The following DPP10 variants were observed in gnomAD, a reference collection of about 807,000 sequenced individuals.
DPP10 encodes dipeptidyl peptidase like 10.
In DPP10, 33 loss-of-function variants were observed where a neutral mutation model predicts 120.9. The ratio of observed to expected loss-of-function variants is 0.27; its 90% CI spans 0.21 to 0.37. DPP10 has a LOEUF of 0.37. Ranked by LOEUF, DPP10 falls within the 10% of genes least tolerant of loss-of-function variation. The probability of loss-of-function intolerance (pLI) is 1.00; values close to 1 mark genes in which losing one functional copy is unlikely to be tolerated. For missense variants in DPP10, 816 were observed against 942.8 expected (o/e 0.87, Z 1.76); for synonymous variants, 337 against 326.1 (o/e 1.03, Z -0.36).
chr2:114,967,072 AG>A (rs1469058153), intron 1 of DPP10, among the ~76,000 whole-genome samples: 1 of 152,116 alleles, frequency 6.6e-6, no homozygotes, highest in Non-Finnish European at 1.5e-5. Flanking sequence ...ACAAAAAAAG[AG>A]ACAAGAGAGA....
chr2:115,266,616 G>T (rs147781698), intron 1 of DPP10, among the ~76,000 whole-genome samples: 1 of 152,068 alleles, frequency 6.6e-6, no homozygotes, highest in Non-Finnish European at 1.5e-5. Flanking sequence ...TGTATGTTGC[G>T]TTTATCCCAT....
chr2:114,897,087 C>T (rs1221982265), intron 1 of DPP10, among the ~76,000 whole-genome samples: 4 of 152,078 alleles, frequency 2.6e-5, no homozygotes, highest in Middle Eastern at 3.2e-3. Context: ...GGATGAAGCC[C>T]ACTTGATCAT....
intron 1 of DPP10, among the ~76,000 whole-genome samples, chr2:114,509,869 A>C (rs188778112): frequency 6.6e-5 from 10 of 152,212 alleles, no homozygotes; most frequent in Admixed American, 6.5e-4. Flanking sequence ...AAATAGAGAC[A>C]TTTCCCTCTT....
At chr2:115,659,612 G>A (rs1000610209) in intron 5 of DPP10, among the ~76,000 whole-genome samples, 1 of 152,166 alleles carries the variant, frequency 6.6e-6, no homozygotes, top group Admixed American at 6.5e-5. Context: ...CTATGAATTT[G>A]ATACTGAGTC....
intron 1 of DPP10, among the ~76,000 whole-genome samples, chr2:115,257,995 G>A (rs985574511): frequency 1.2e-4 from 18 of 152,124 alleles, no homozygotes; most frequent in Admixed American, 2.0e-4. Context: ...TATATGTACC[G>A]TTATTTTCTC....
At chr2:115,404,629 T>C (rs920753685) in intron 3 of DPP10, among the ~76,000 whole-genome samples, 1 of 151,630 alleles carries the variant, frequency 6.6e-6, no homozygotes, top group Admixed American at 6.6e-5. Context: ...GTAATCTATT[T>C]TAAAAAAAAA....
rs182680633 is a variant in DPP10 at position 114,981,751 on chromosome 2, T to C, written c.61-327488T>C. On this transcript the variant is annotated intron_variant, in intron 1 of 25. Transcript: ENST00000410059. ...TCATGCCATCATGCCCAGCTAGTTATTTTTGTTTTGTTTTGTTTTTTGTTT... is the reference window on the plus strand; with the variant it reads ...TCATGCCATCATGCCCAGCTAGTTACTTTTGTTTTGTTTTGTTTTTTGTTT... 5.3e-5 allele frequency among the ~76,000 whole-genome samples: 8 copies of C among 151,564 alleles called. 1 individual carries two copies. The East Asian group carries it at 1.6e-3, about 30-fold the overall frequency.
intron 1 of DPP10, among the ~76,000 whole-genome samples, chr2:114,914,018 C>A (rs1452310904): frequency 5.3e-5 from 8 of 151,860 alleles, no homozygotes; most frequent in Admixed American, 5.2e-4. Flanking sequence ...CAAACACAAA[C>A]AAATTAAAAA....
At chr2:114,457,415 T>C (rs1678641092) in intron 1 of DPP10, among the ~76,000 whole-genome samples, 1 of 152,168 alleles carries the variant, frequency 6.6e-6, no homozygotes, top group South Asian at 2.1e-4. Flanking sequence ...AATTAACCAC[T>C]GGCTTACATG....
chr2:114,815,389 G>A, intron 1 of DPP10, among the ~76,000 whole-genome samples: 1 of 152,148 alleles, frequency 6.6e-6, no homozygotes, highest in East Asian at 1.9e-4. Flanking sequence ...AAGGGTCCCT[G>A]TCACACATTA....
At chr2:114,678,384 G>T (rs1042642101) in intron 1 of DPP10, among the ~76,000 whole-genome samples, 2 of 151,818 alleles carry the variant, frequency 1.3e-5, no homozygotes, top group Non-Finnish European at 2.9e-5. Flanking sequence ...AGGAGTTTTT[G>T]TTCTGTGGGA....
chr2:115,200,281 T>C (rs1038476167), intron 1 of DPP10, among the ~76,000 whole-genome samples: 3 of 152,218 alleles, frequency 2.0e-5, no homozygotes, highest in Non-Finnish European at 4.4e-5. Flanking sequence ...ATTTGTTGTA[T>C]AGAGCAGAGT....
intron 3 of DPP10, among the ~76,000 whole-genome samples, chr2:115,492,937 G>A (rs2076202006): frequency 6.6e-6 from 1 of 152,120 alleles, no homozygotes; most frequent in Middle Eastern, 3.2e-3. Context: ...TGAAAAAAGT[G>A]AAAAGTTTGG....
At chr2:115,165,152 T>TAAAATC (rs2052739916) in intron 1 of DPP10, among the ~76,000 whole-genome samples, 1 of 152,246 alleles carries the variant, frequency 6.6e-6, no homozygotes, top group Admixed American at 6.5e-5. Context: ...ACTTCCTGAA[T>TAAAATC]GCTTGCCACA....
At chr2:115,624,881 G>T (rs2085238419) in intron 5 of DPP10, among the ~76,000 whole-genome samples, 1 of 152,088 alleles carries the variant, frequency 6.6e-6, no homozygotes, top group Non-Finnish European at 1.5e-5. Flanking sequence ...TAGGTATCAT[G>T]ATATCATTAT....
In DPP10 at chr2:114,670,586, C is replaced by T. The variant is rs796758684; in HGVS notation, c.60+227748C>T. 1.3e-3 allele frequency among the ~76,000 whole-genome samples: 205 copies of T among 151,928 alleles called. 2 individuals carry two copies. Among genetic ancestry groups the T allele is most frequent in the African/African-American group, 4.4e-3 (184 of 41,406 alleles). ...AGGAGATATACCTAATGCTAAATGA[C>T]GAGTTAATGGGTGCAGCACACCAGC... On this transcript the variant is annotated intron_variant, in intron 1 of 25. Transcript: ENST00000410059.
chr2:114,925,480 T>C (rs1441023184), intron 1 of DPP10, among the ~76,000 whole-genome samples: 1 of 152,164 alleles, frequency 6.6e-6, no homozygotes, highest in African/African-American at 2.4e-5. Context: ...GACTTAAAGG[T>C]CAGATCTGTT....
intron 1 of DPP10, among the ~76,000 whole-genome samples, chr2:114,525,590 G>A (rs1010350306): frequency 5.3e-5 from 8 of 152,132 alleles, no homozygotes; most frequent in African/African-American, 1.2e-4. Context: ...AGTATTGTTC[G>A]AGATCGAGTG....
At chr2:115,009,524 C>T (rs531919635) in intron 1 of DPP10, among the ~76,000 whole-genome samples, 9 of 150,304 alleles carry the variant, frequency 6.0e-5, no homozygotes, top group Admixed American at 3.3e-4. Context: ...CCCATGTATA[C>T]GTATGTTACT....
Sources: gnomAD v4.1 joint callset for allele counts (sites outside exome capture counted in the v4.1 genomes callset) on GRCh38, gnomAD v4.1.1 for gene constraint, MANE v1.5 for transcripts, NCBI Gene and HGNC (gene_info 2026-07-23, HGNC 2026-07-21) for gene names.